Variants in ZNF653 observed in about 807,000 individuals in gnomAD.
ZNF653 encodes the protein zinc finger protein 653.
ZNF653 carries 37 observed loss-of-function variants against 59.9 expected under a neutral mutation model. That is an observed-to-expected ratio of 0.62 (90% CI 0.48 to 0.81). The LOEUF (loss-of-function observed/expected upper bound fraction) is 0.81, where lower values mean the gene tolerates loss of function less well. Among genes scored for constraint, ZNF653 ranks in the 40% least tolerant of loss-of-function variants. The pLI, the probability that ZNF653 is intolerant of heterozygous loss-of-function variation, is 0.00. For missense variants in ZNF653, 808 were observed against 881.1 expected, an observed-to-expected ratio of 0.92 and a Z score of 1.05; for synonymous variants, 435 against 371.8, an observed-to-expected ratio of 1.17 and a Z score of -1.96.
intron 1 of ZNF653, among the ~76,000 whole-genome samples, chr19:11,501,376 G>A (rs374983183): frequency 1.3e-5 from 2 of 151,736 alleles, no homozygotes; most frequent in East Asian, 1.9e-4. Context: ...ATCGAGTTTC[G>A]CCATGTTGCC....
intron 3 of ZNF653, among the ~76,000 whole-genome samples, chr19:11,488,609 T>C (rs170174): frequency 1.4e-3 from 198 of 144,276 alleles, no homozygotes; most frequent in South Asian, 9.2e-3. Context: ...CTTTTCTTTT[T>C]TTTTTTGAGA....
At position 11,495,020 on chromosome 19, in the gene ZNF653, G is replaced by A. The variant is rs1239524704; in HGVS notation, c.559+930C>T. On this transcript the variant is annotated intron_variant, in intron 3 of 8. Coordinates refer to ENST00000293771, the MANE Select transcript of ZNF653 (RefSeq NM_138783.4). This position sits in a 1 kb window ranked among gnomAD's most constrained non-coding sequence, Gnocchi z 4.9. ...ACACTTGGTGGGACGGTCGTTGGCG[G>A]GGGCGCCCACCCGGAACACCTCTCG... Among the ~76,000 whole-genome samples, 4 of 152,172 alleles carry A rather than the reference G, an allele frequency of 2.6e-5. No individual in the cohort carries two copies. Among genetic ancestry groups the A allele is most frequent in the Non-Finnish European group, 5.9e-5 (4 of 68,026 alleles).
chr19:11,485,393 T>C (rs1289641947), intron 7 of ZNF653, among the ~76,000 whole-genome samples: 3 of 152,138 alleles, frequency 2.0e-5, no homozygotes, highest in Non-Finnish European at 4.4e-5. Flanking sequence ...TGAGACCTGC[T>C]CTTGGGATCA....
intron 3 of ZNF653, among the ~76,000 whole-genome samples, chr19:11,492,008 T>C (rs1433741680): frequency 6.6e-6 from 1 of 152,134 alleles, no homozygotes; most frequent in Non-Finnish European, 1.5e-5. Flanking sequence ...TTCCCTCCTT[T>C]ATTTTTTCCC....
At chr19:11,492,437 G>A (rs1401566600) in intron 3 of ZNF653, among the ~76,000 whole-genome samples, 1 of 151,398 alleles carries the variant, frequency 6.6e-6, no homozygotes, top group South Asian at 2.1e-4. Flanking sequence ...GCAGCCTCGA[G>A]CTCCTAGGTT....
chr19:11,486,307 G>C (rs907161676), intron 6 of ZNF653, among the ~76,000 whole-genome samples: 1 of 152,176 alleles, frequency 6.6e-6, no homozygotes, highest in African/African-American at 2.4e-5. Flanking sequence ...CTGGACTGGG[G>C]TATCTGTCAA....
Position 11,484,085 on chromosome 19 carries a change from G to C in ZNF653, c.1627C>G (p.Leu543Val). The C allele has an allele frequency of 1.9e-6, 3 of 1,560,336 alleles. No homozygotes were observed. The highest frequency in any genetic ancestry group is 8.7e-7 in the Non-Finnish European group (1 of 1,152,026). Residue 543 changes from leucine to valine, a missense_variant, in exon 8 of 9, where the codon CTG becomes GTG. Physicochemically the swap from Leu to Val is conservative, Grantham distance 32. Transcript: ENST00000293771. ...GTGTGGGTGCGCCGATGTACCTCCA[G>C]GTGGTTCTTCCTCTTGAAGGACTTG... The part of the protein sequence containing the change: ...CGKSFKRKNH[L>V]EVHRRTHTGE...
chr19:11,486,726 G>T, intron 6 of ZNF653, 43 bp downstream of exon 6: 1 of 1,510,928 alleles, frequency 6.6e-7, no homozygotes, highest in South Asian at 1.2e-5. Flanking sequence ...CATGGCCTGG[G>T]CCTTGTGGGC....
chr19:11,492,904 C>A lies in ZNF653; in HGVS notation c.559+3046G>T, dbSNP rs185195842. Among the ~76,000 whole-genome samples, 28 of 152,214 alleles carry A rather than the reference C, an allele frequency of 1.8e-4. No homozygotes were observed. In the East Asian group the frequency reaches 3.9e-3, roughly 21 times the overall value. Reference sequence around the variant, plus strand: ...GGAAGTACAGGCACACACCACCACACCTGGCTAATTTTTTGTATTTTTAGT... The same window carrying A: ...GGAAGTACAGGCACACACCACCACAACTGGCTAATTTTTTGTATTTTTAGT... On this transcript the variant is annotated intron_variant, in intron 3 of 8. Transcript: ENST00000293771.
chr19:11,501,171 A>G (rs1599568646), intron 1 of ZNF653, among the ~76,000 whole-genome samples: 1 of 145,156 alleles, frequency 6.9e-6, no homozygotes, highest in Non-Finnish European at 1.5e-5. Flanking sequence ...CCCCTTCCCC[A>G]TATCTTTTTT....
In ZNF653 at chr19:11,487,215, C is replaced by T; in HGVS notation, c.1172-57G>A. The stretch of plus-strand genomic sequence containing the variant: ...GGGACGAAGGCTGCCGAGGTGCCCA[C>T]TTCGAGGGCCATTCCTCGCCCGGCC... On this transcript the variant is annotated intron_variant, in intron 4 of 8. Transcript: ENST00000293771. This position sits in a 1 kb window ranked among gnomAD's most constrained non-coding sequence, Gnocchi z 5.1. 1.9e-6 allele frequency: 3 copies of T among 1,601,264 alleles called. No individual in the cohort carries two copies. The highest frequency in any genetic ancestry group is 2.6e-6 in the Non-Finnish European group (3 of 1,173,800).
chr19:11,485,620 C>G (rs755914089), intron 7 of ZNF653, 36 bp downstream of exon 7: 42 of 1,559,146 alleles, frequency 2.7e-5, no homozygotes, highest in Non-Finnish European at 3.5e-5. Context: ...GTCCCTGTGT[C>G]CCCCGCTCAT....
intron 1 of ZNF653, chr19:11,505,141 G>A: frequency 4.1e-6 from 1 of 245,732 alleles, no homozygotes; most frequent in Non-Finnish European, 7.8e-6. Flanking sequence ...GATGAGACCG[G>A]TGAGGGGGCG....
intron 1 of ZNF653, among the ~76,000 whole-genome samples, chr19:11,502,082 C>T (rs903106705): frequency 2.6e-5 from 4 of 151,486 alleles, no homozygotes; most frequent in South Asian, 2.1e-4. Context: ...CGTGAGCCAT[C>T]GCGCCTGGCC....
At chr19:11,500,134 C>G (rs141071149) in intron 1 of ZNF653, among the ~76,000 whole-genome samples, 29 of 152,248 alleles carry the variant, frequency 1.9e-4, no homozygotes, top group African/African-American at 6.7e-4. Flanking sequence ...CTGTCCACCC[C>G]GTCTGACTCC....
Position 11,487,145 on chromosome 19 carries a change from C to G in ZNF653, c.1185G>C (p.Leu395=). Residue 395 remains leucine, a synonymous_variant, in exon 5 of 9, where the codon CTG becomes CTC. Transcript: ENST00000293771. The surrounding 1 kb of genome is among the most constrained non-coding windows in gnomAD (Gnocchi z 5.1). The part of the protein sequence containing the change: ...GIETKKEKED[L]CLLKKEEKEE... The stretch of plus-strand genomic sequence containing the variant: ...CCTTCTCCTCCTTCTTTAGCAAGCA[C>G]AGGTCCTCCTTCTCTACAGGGTGGA... The G allele has an allele frequency of 6.2e-7, 1 of 1,611,620 alleles. No individual in the cohort carries two copies.
Position 11,487,060 on chromosome 19 carries a change from C to G in ZNF653, c.1270G>C (p.Glu424Gln), listed in dbSNP as rs775033277. The change falls in exon 5 of 9, where the codon GAG (glutamate) becomes CAG (glutamine). Residue 424 changes from glutamate (E) to glutamine (Q), a missense_variant. Physicochemically the swap from Glu to Gln is conservative, Grantham distance 29. Coordinates refer to ENST00000293771, the MANE Select transcript of ZNF653 (RefSeq NM_138783.4). This position sits in a 1 kb window ranked among gnomAD's most constrained non-coding sequence, Gnocchi z 5.1. Reference sequence around the variant, plus strand: ...CCGTCCAGCTCCTCCCCGTCCGCCTCTGCCTCAGGCTCTGCGCTCTCAGGC... The same window carrying G: ...CCGTCCAGCTCCTCCCCGTCCGCCTGTGCCTCAGGCTCTGCGCTCTCAGGC... ...TVPESAEPEA[E>Q]ADGEELDGSD... 12 of 1,614,064 alleles carry G rather than the reference C, an allele frequency of 7.4e-6. No homozygotes were observed. Among genetic ancestry groups the G allele is most frequent in the African/African-American group, 1.3e-5 (1 of 74,958 alleles).
intron 3 of ZNF653, among the ~76,000 whole-genome samples, chr19:11,492,774 G>C (rs1971542458): frequency 6.6e-6 from 1 of 152,062 alleles, no homozygotes; most frequent in Non-Finnish European, 1.5e-5. Context: ...CACAGTGAGG[G>C]CTCGTTCCAA....
rs558964577 is a variant in ZNF653, at chr19:11,495,598, G to A, written c.559+352C>T. ...GCCATAAGGCCTGGGTGGTTTAGGCGGCCGTTTCGCTGTGGGGGCCGAGCC... is the reference window on the plus strand; with the variant it reads ...GCCATAAGGCCTGGGTGGTTTAGGCAGCCGTTTCGCTGTGGGGGCCGAGCC... On this transcript the variant is annotated intron_variant, in intron 3 of 8. Coordinates refer to ENST00000293771, the MANE Select transcript of ZNF653 (RefSeq NM_138783.4). The surrounding 1 kb of genome is among the most constrained non-coding windows in gnomAD (Gnocchi z 4.9). The A allele has an allele frequency of 8.8e-6, 3 of 339,888 alleles. No homozygotes were observed. Among genetic ancestry groups the A allele is most frequent in the South Asian group, 5.6e-5 (2 of 35,712 alleles). The allele number at this position is 339,888 out of a possible 1,614,324, so 21.1% of individuals were successfully genotyped here. A position where few individuals can be genotyped will look rare whatever the true frequency, so the allele number is the denominator to read the frequency against.
Sources: allele counts gnomAD v4.1 joint callset (sites outside exome capture counted in the v4.1 genomes callset), GRCh38; gene constraint gnomAD v4.1.1; non-coding constraint Gnocchi (gnomAD v3.1); transcripts MANE v1.5; gene names NCBI Gene and HGNC (gene_info 2026-07-23, HGNC 2026-07-21).